SUZ12: variants seen among roughly 807,000 people sequenced by gnomAD.
The protein encoded by SUZ12 is SUZ12 polycomb repressive complex 2 subunit, also known as polycomb protein SUZ12.
A neutral mutation model predicts 87.3 loss-of-function variants in SUZ12; 17 were observed. The ratio of observed to expected loss-of-function variants is 0.19; its 90% CI spans 0.13 to 0.29. The LOEUF is 0.29. SUZ12 is among the 10% of genes least tolerant of loss of function. The pLI is 1.00. For missense variants in SUZ12, 526 were observed against 912.2 expected (o/e 0.58, Z 5.45); for synonymous variants, 253 against 312.4 (o/e 0.81, Z 2.01).
intron 5 of SUZ12, among the ~76,000 whole-genome samples, chr17:31,972,897 A>G (rs1215211016): frequency 2.0e-5 from 3 of 147,000 alleles, no homozygotes; most frequent in Admixed American, 6.9e-5. Context: ...TATCTAATGG[A>G]AAAAAAAATT....
intron 3 of SUZ12, among the ~76,000 whole-genome samples, chr17:31,946,435 G>A (rs1395942711): frequency 6.6e-6 from 1 of 152,140 alleles, no homozygotes; most frequent in African/African-American, 2.4e-5. Context: ...GGGAGGCTGA[G>A]GCAGGAGAAT....
At chr17:31,965,424 GT>G (rs1316092412) in intron 4 of SUZ12, among the ~76,000 whole-genome samples, 2 of 152,072 alleles carry the variant, frequency 1.3e-5, no homozygotes, top group African/African-American at 4.8e-5. Flanking sequence ...CATGCTTATT[GT>G]TTTTTTCTAT....
chr17:31,949,824 C>T (rs1906854376), intron 4 of SUZ12, among the ~76,000 whole-genome samples: 1 of 150,846 alleles, frequency 6.6e-6, no homozygotes, highest in African/African-American at 2.4e-5. Flanking sequence ...GCTGGGAATA[C>T]AGACGTGCAC....
chr17:31,954,223 C>T (rs1302533464), intron 4 of SUZ12, among the ~76,000 whole-genome samples: 1 of 151,978 alleles, frequency 6.6e-6, no homozygotes, highest in Admixed American at 6.6e-5. Context: ...CCACCACGCC[C>T]GGTTAACTTT....
At chr17:31,967,453 C>G (rs545006589) in intron 5 of SUZ12, 2 of 151,946 alleles carry the variant, frequency 1.3e-5, no homozygotes, top group South Asian at 4.2e-4. Context: ...TCGAGACTAT[C>G]CTGGCTAACA....
intron 8 of SUZ12, among the ~76,000 whole-genome samples, chr17:31,980,037 GAA>G (rs1004430969): frequency 6.6e-6 from 1 of 151,294 alleles, no homozygotes; most frequent in Non-Finnish European, 1.5e-5. Context: ...GAGAGAGAGA[GAA>G]ACAGGCAGGC....
intron 3 of SUZ12, among the ~76,000 whole-genome samples, chr17:31,941,713 C>T (rs1365711648): frequency 6.6e-6 from 1 of 151,640 alleles, no homozygotes. Flanking sequence ...CCATGCTCGG[C>T]TAATTTTTTG....
intron 4 of SUZ12, 134 bp downstream of exon 4, chr17:31,947,819 A>G: frequency 1.1e-6 from 1 of 883,924 alleles, no homozygotes; most frequent in East Asian, 2.9e-5. Flanking sequence ...GTCCAAACTC[A>G]CACACAAGTC....
intron 3 of SUZ12, among the ~76,000 whole-genome samples, chr17:31,941,107 TTG>T (rs1332160480): frequency 6.6e-6 from 1 of 152,050 alleles, no homozygotes; most frequent in Non-Finnish European, 1.5e-5. Flanking sequence ...TTCTCTTTTT[TTG>T]TTTGTTTGTT....
Position 31,976,510 on chromosome 17 carries a change from G to A in SUZ12, c.824-11G>A, listed in dbSNP as rs544170834. 1 of 1,606,950 alleles carries A rather than the reference G, an allele frequency of 6.2e-7. No homozygotes were observed. Among genetic ancestry groups the A allele is most frequent in the Non-Finnish European group, 8.5e-7 (1 of 1,175,080 alleles). On this transcript the variant is annotated splice_polypyrimidine_tract_variant and intron_variant, in intron 7 of 15. Transcript: ENST00000322652. ...AATATTTGATTTATGAGAAATGTTT[G>A]TTAAATTTAGATGTCAATGAAGAGC... is the stretch of plus-strand genomic sequence containing the variant.
chr17:31,953,659 C>T (rs74847968), intron 4 of SUZ12, among the ~76,000 whole-genome samples: 2 of 151,572 alleles, frequency 1.3e-5, no homozygotes, highest in African/African-American at 2.4e-5. Flanking sequence ...CCTCCCACCT[C>T]GACATCCTGA....
chr17:31,982,361 T>A (rs1598179277), intron 8 of SUZ12, among the ~76,000 whole-genome samples: 1 of 152,154 alleles, frequency 6.6e-6, no homozygotes, highest in South Asian at 2.1e-4. Context: ...TTATCCTATT[T>A]TTAAAAATAT....
chr17:31,946,263 G>A (rs1277146329), intron 3 of SUZ12, among the ~76,000 whole-genome samples: 2 of 152,104 alleles, frequency 1.3e-5, no homozygotes, highest in African/African-American at 4.8e-5. Context: ...GCCAGGCATG[G>A]TGGCTCACAC....
chr17:31,984,118 G>T (rs2142196272), intron 9 of SUZ12, among the ~76,000 whole-genome samples: 1 of 152,220 alleles, frequency 6.6e-6, no homozygotes, highest in Non-Finnish European at 1.5e-5. Flanking sequence ...ACCAGTTTTA[G>T]TATGATATAC....
At chr17:31,991,587 A>G (rs1199815319) in intron 10 of SUZ12, among the ~76,000 whole-genome samples, 2 of 151,986 alleles carry the variant, frequency 1.3e-5, no homozygotes, top group Admixed American at 1.3e-4. Flanking sequence ...ATCATTTGTC[A>G]CTATCTTTTT....
At chr17:31,960,250 G>A (rs1273396709) in intron 4 of SUZ12, among the ~76,000 whole-genome samples, 1 of 151,842 alleles carries the variant, frequency 6.6e-6, no homozygotes, top group Non-Finnish European at 1.5e-5. Context: ...TCGCTCTGTT[G>A]CCCAGGTTGG....
chr17:31,995,487 A>G, intron 13 of SUZ12, 77 bp from the exon 14 acceptor site: 1 of 1,175,442 alleles, frequency 8.5e-7, no homozygotes, highest in Non-Finnish European at 1.2e-6. Flanking sequence ...AGATTATCAC[A>G]GATCTCAACT....
chr17:31,983,152 T>G, intron 9 of SUZ12, 48 bp downstream of exon 9: 1 of 1,551,800 alleles, frequency 6.4e-7, no homozygotes, highest in Non-Finnish European at 8.7e-7. Flanking sequence ...TGAACTCCCA[T>G]TTTTGACTGA....
intron 9 of SUZ12, among the ~76,000 whole-genome samples, chr17:31,987,048 G>GGTTTTTTT (rs199966471): frequency 6.7e-6 from 1 of 148,976 alleles, no homozygotes. Context: ...CTATAACAAA[G>GGTTTTTTT]GTTTTTTTGT....
Sources: gnomAD v4.1 joint callset for allele counts (sites outside exome capture counted in the v4.1 genomes callset) on GRCh38, gnomAD v4.1.1 for gene constraint, MANE v1.5 for transcripts, NCBI Gene and HGNC (gene_info 2026-07-23, HGNC 2026-07-21) for gene names.